The following BMPER variants were observed in gnomAD, a reference collection of about 807,000 sequenced individuals.
BMPER encodes BMP binding endothelial regulator.
A neutral mutation model predicts 87.3 loss-of-function variants in BMPER; 45 were observed. The observed-to-expected ratio is 0.52, with a 90% CI of 0.41 to 0.66. The LOEUF (loss-of-function observed/expected upper bound fraction) is 0.66. Ranked by LOEUF, BMPER falls within the 30% of genes least tolerant of loss-of-function variation. The pLI, the probability that BMPER is intolerant of heterozygous loss-of-function variation, is 0.00. For missense variants in BMPER, 784 were observed against 867.5 expected, an observed-to-expected ratio of 0.90 and a Z score of 1.21; for synonymous variants, 326 against 316.2, an observed-to-expected ratio of 1.03 and a Z score of -0.33.
rs1785723086 is a variant in BMPER at position 33,977,661 on chromosome 7, G to T, written c.576+2877G>T. Among the ~76,000 whole-genome samples the T allele has an allele frequency of 2.0e-5, 3 of 151,360 alleles. No homozygotes were observed. The South Asian group carries it at 6.3e-4, about 32-fold the overall frequency. On this transcript the variant is annotated intron_variant, in intron 6 of 14. Coordinates refer to ENST00000649409, the MANE Select transcript of BMPER (RefSeq NM_001365308.1). The stretch of plus-strand genomic sequence containing the variant: ...AAAAATAGAAAGATATATATAGAGA[G>T]AAATATAAACATATTATGCATTTGA...
chr7:34,032,970 G>T (rs1459039934), intron 6 of BMPER, among the ~76,000 whole-genome samples: 1 of 152,132 alleles, frequency 6.6e-6, no homozygotes, highest in East Asian at 1.9e-4. Flanking sequence ...CAGGTCAAAG[G>T]CTCAGTAGAT....
At chr7:33,928,057 C>G (rs1004326518) in intron 2 of BMPER, among the ~76,000 whole-genome samples, 5 of 152,128 alleles carry the variant, frequency 3.3e-5, no homozygotes, top group African/African-American at 1.2e-4. Context: ...CTCCTTCACC[C>G]CTGGCCTGCA....
At chr7:33,968,201 C>T (rs1785452663) in intron 4 of BMPER, among the ~76,000 whole-genome samples, 1 of 152,120 alleles carries the variant, frequency 6.6e-6, no homozygotes. Flanking sequence ...GGAAGTTTGC[C>T]TTTCAGTTTT....
intron 13 of BMPER, among the ~76,000 whole-genome samples, chr7:34,113,945 C>A (rs909720590): frequency 5.3e-5 from 8 of 152,152 alleles, no homozygotes; most frequent in Non-Finnish European, 1.0e-4. Context: ...GTTTTAAGTA[C>A]AACTGTTCCT....
At chr7:34,000,472 A>G (rs1786551398) in intron 6 of BMPER, among the ~76,000 whole-genome samples, 1 of 152,142 alleles carries the variant, frequency 6.6e-6, no homozygotes, top group South Asian at 2.1e-4. Flanking sequence ...TGTTGTGGTT[A>G]TAAAAGAAAA....
intron 12 of BMPER, among the ~76,000 whole-genome samples, 170 bp from the exon 13 acceptor site, chr7:34,085,586 C>A (rs1370679876): frequency 2.6e-5 from 4 of 152,184 alleles, no homozygotes; most frequent in Admixed American, 2.0e-4. Flanking sequence ...GATAATTTCA[C>A]ACATTATTCA....
intron 14 of BMPER, among the ~76,000 whole-genome samples, chr7:34,150,627 G>A (rs1791147319): frequency 2.0e-5 from 3 of 152,062 alleles, no homozygotes. Context: ...AAAAAAAGAG[G>A]ACTTTGAAAG....
At chr7:34,022,827 A>G (rs757461172) in intron 6 of BMPER, among the ~76,000 whole-genome samples, 8 of 151,848 alleles carry the variant, frequency 5.3e-5, no homozygotes, top group Non-Finnish European at 8.8e-5. Flanking sequence ...CAGATACAGT[A>G]GTTGCCTCAT....
Position 34,153,533 on chromosome 7 carries a change from A to G in BMPER, c.*260A>G, listed in dbSNP as rs572589317. On this transcript the variant is annotated 3_prime_UTR_variant, in exon 15 of 15. Coordinates refer to ENST00000649409, the MANE Select transcript of BMPER (RefSeq NM_001365308.1). ...ACCTGTAAGCCATTGAACATGTTGTATAAATACACCAGGTGTTTTTAATTT... is the reference window on the plus strand; with the variant it reads ...ACCTGTAAGCCATTGAACATGTTGTGTAAATACACCAGGTGTTTTTAATTT... The G allele has an allele frequency of 1.6e-5, 7 of 428,334 alleles. No homozygotes were observed. Among genetic ancestry groups the G allele is most frequent in the Middle Eastern group, 6.7e-4 (1 of 1,484 alleles). The allele number at this position is 428,334 out of a possible 1,614,324, so 26.5% of individuals were successfully genotyped here. A position where few individuals can be genotyped will look rare whatever the true frequency, so the allele number is the denominator to read the frequency against.
At chr7:33,954,413 T>C (rs1431573943) in intron 3 of BMPER, among the ~76,000 whole-genome samples, 1 of 152,208 alleles carries the variant, frequency 6.6e-6, no homozygotes. Context: ...TGTGATGTGC[T>C]GAAGTGGTTA....
intron 13 of BMPER, among the ~76,000 whole-genome samples, chr7:34,138,068 G>A (rs761996962): frequency 1.1e-4 from 17 of 152,320 alleles, no homozygotes; most frequent in Non-Finnish European, 2.2e-4. Flanking sequence ...ATTGGCACCT[G>A]CTGCCATTGA....
chr7:33,907,026 G>A, intron 2 of BMPER, 123 bp downstream of exon 2: 1 of 945,672 alleles, frequency 1.1e-6, no homozygotes, highest in Non-Finnish European at 1.7e-6. Flanking sequence ...GCACATAACT[G>A]TACATAGTTT....
rs144181106 is a variant in BMPER at position 33,978,222 on chromosome 7, C to T, written c.576+3438C>T. Among the ~76,000 whole-genome samples, 7 of 152,326 alleles carry T rather than the reference C, an allele frequency of 4.6e-5. No homozygotes were observed. In the East Asian group the frequency reaches 1.2e-3, roughly 25 times the overall value. ...GTAAGGACACAGTGTTCCTCTCCTT[C>T]GGAGGTTGCAGCAACAAGGCGCCAT... is the stretch of plus-strand genomic sequence containing the variant. On this transcript the variant is annotated intron_variant, in intron 6 of 14. Coordinates refer to ENST00000649409, the MANE Select transcript of BMPER (RefSeq NM_001365308.1).
intron 6 of BMPER, among the ~76,000 whole-genome samples, chr7:34,007,325 A>G (rs889130836): frequency 6.6e-6 from 1 of 152,008 alleles, no homozygotes; most frequent in Non-Finnish European, 1.5e-5. Flanking sequence ...CAAAATTTTA[A>G]TTTTATTTTT....
At chr7:34,084,312 C>A (rs1054042084) in intron 12 of BMPER, among the ~76,000 whole-genome samples, 1 of 152,154 alleles carries the variant, frequency 6.6e-6, no homozygotes, top group African/African-American at 2.4e-5. Context: ...AACAAACAAA[C>A]AAAACACATG....
chr7:34,123,120 T>A (rs1790304205), intron 13 of BMPER, among the ~76,000 whole-genome samples: 1 of 152,156 alleles, frequency 6.6e-6, no homozygotes, highest in African/African-American at 2.4e-5. Flanking sequence ...TGGAAGAAAA[T>A]CATTAGACTG....
At chr7:33,955,928 A>G (rs910286036) in intron 3 of BMPER, among the ~76,000 whole-genome samples, 2 of 152,162 alleles carry the variant, frequency 1.3e-5, no homozygotes, top group Non-Finnish European at 2.9e-5. Context: ...TATCCACCTG[A>G]TTTTTAACAA....
intron 2 of BMPER, among the ~76,000 whole-genome samples, chr7:33,913,196 G>A (rs765417679): frequency 1.3e-5 from 2 of 152,156 alleles, no homozygotes; most frequent in Non-Finnish European, 2.9e-5. Context: ...CCTTGTTGGA[G>A]GAAGGACACA....
intron 3 of BMPER, among the ~76,000 whole-genome samples, chr7:33,948,624 G>C (rs919953292): frequency 6.6e-6 from 1 of 152,180 alleles, no homozygotes; most frequent in Admixed American, 6.5e-5. Flanking sequence ...GTTCTCACCA[G>C]ATCTGGTTTA....
Sources: gnomAD v4.1 joint callset for allele counts (sites outside exome capture counted in the v4.1 genomes callset) on GRCh38, gnomAD v4.1.1 for gene constraint, MANE v1.5 for transcripts, NCBI Gene and HGNC (gene_info 2026-07-23, HGNC 2026-07-21) for gene names.